Variants in RERE observed in about 807,000 individuals in gnomAD.
RERE encodes the protein arginine-glutamic acid dipeptide repeats protein.
RERE carries 40 observed loss-of-function variants against 146.1 expected under a neutral mutation model. The observed-to-expected ratio is 0.27, with a 90% CI of 0.21 to 0.36. The LOEUF (loss-of-function observed/expected upper bound fraction) is 0.36, where lower values mean the gene tolerates loss of function less well. Among genes scored for constraint, RERE ranks in the 10% least tolerant of loss-of-function variants. The pLI is 1.00. For missense variants in RERE, 1,933 were observed against 2,138.7 expected (o/e 0.90, Z 1.90); for synonymous variants, 1,003 against 866.0 (o/e 1.16, Z -2.78).
At chr1:8,728,600 A>G (rs1640019150) in intron 1 of RERE, among the ~76,000 whole-genome samples, 1 of 152,206 alleles carries the variant, frequency 6.6e-6, no homozygotes, top group Admixed American at 6.5e-5. Flanking sequence ...ATTTCCTCAA[A>G]GGACAGCACC....
intron 1 of RERE, among the ~76,000 whole-genome samples, chr1:8,694,977 G>T (rs537205727): frequency 1.6e-5 from 2 of 127,536 alleles, no homozygotes; most frequent in Non-Finnish European, 3.4e-5. Context: ...ATCCTAAGGG[G>T]GGGGGGGGAA....
chr1:8,525,160 T>TA (rs1316880490), intron 7 of RERE, among the ~76,000 whole-genome samples: 2 of 152,170 alleles, frequency 1.3e-5, no homozygotes, highest in African/African-American at 4.8e-5. Flanking sequence ...CTTTCATTTT[T>TA]AAAAAAATCA....
At chr1:8,608,548 G>A (rs1426680933) in intron 4 of RERE, among the ~76,000 whole-genome samples, 1 of 152,008 alleles carries the variant, frequency 6.6e-6, no homozygotes, top group Non-Finnish European at 1.5e-5. Flanking sequence ...CCCCAAGAAA[G>A]GCAGGGCTGA....
intron 10 of RERE, among the ~76,000 whole-genome samples, chr1:8,479,452 A>G (rs1284902441): frequency 1.3e-5 from 2 of 152,148 alleles, no homozygotes; most frequent in African/African-American, 4.8e-5. Context: ...CTTATTTGGG[A>G]AAAGGGTCTT....
intron 19 of RERE, among the ~76,000 whole-genome samples, chr1:8,359,349 G>A (rs1349207120): frequency 1.3e-5 from 2 of 152,192 alleles, no homozygotes; most frequent in Non-Finnish European, 2.9e-5. Context: ...CCACGAGGGG[G>A]CCACAAAGGC....
At chr1:8,669,022 CTCTGTG>C (rs1638647207) in intron 1 of RERE, among the ~76,000 whole-genome samples, 1 of 22,464 alleles carries the variant, frequency 4.5e-5, no homozygotes, top group African/African-American at 2.1e-4. Context: ...ATGCACTCAA[CTCTGTG>C]TGTGTGTGTG....
intron 12 of RERE, among the ~76,000 whole-genome samples, chr1:8,368,244 C>T (rs1173072754): frequency 1.3e-5 from 2 of 151,814 alleles, no homozygotes; most frequent in Non-Finnish European, 2.9e-5. Flanking sequence ...CTGAGGCAGG[C>T]GGATCACCTG....
chr1:8,489,218 TAGAC>T (rs748093883), intron 10 of RERE, among the ~76,000 whole-genome samples: 5 of 151,566 alleles, frequency 3.3e-5, no homozygotes, highest in Non-Finnish European at 5.9e-5. Context: ...TAAAAAAAAT[TAGAC>T]AGGTGTAGTA....
chr1:8,611,363 G>A (rs1019073774), intron 4 of RERE, among the ~76,000 whole-genome samples: 2 of 151,630 alleles, frequency 1.3e-5, no homozygotes, highest in Non-Finnish European at 2.9e-5. Context: ...AACTAGCCAG[G>A]TGTGGTAGCC....
chr1:8,555,683 T>G (rs768625027), intron 6 of RERE, among the ~76,000 whole-genome samples: 2 of 152,198 alleles, frequency 1.3e-5, no homozygotes, highest in African/African-American at 2.4e-5. Flanking sequence ...TAGTCTTACT[T>G]CCTATACCAC....
At chr1:8,773,643 G>A (rs981280511) in intron 1 of RERE, among the ~76,000 whole-genome samples, 1 of 152,196 alleles carries the variant, frequency 6.6e-6, no homozygotes, top group Non-Finnish European at 1.5e-5. Context: ...GACCAACACG[G>A]TGAAACCCTG....
chr1:8,790,172 C>A (rs1285423538), intron 1 of RERE, among the ~76,000 whole-genome samples: 2 of 152,096 alleles, frequency 1.3e-5, no homozygotes, highest in East Asian at 3.8e-4. Context: ...TTCTCTGGAA[C>A]TGCGGGTTCA....
intron 1 of RERE, among the ~76,000 whole-genome samples, chr1:8,741,318 A>C (rs1382904419): frequency 6.6e-6 from 1 of 152,224 alleles, no homozygotes; most frequent in East Asian, 1.9e-4. Context: ...AAGAGTTAGC[A>C]AGATGTCTAG....
chr1:8,501,817 T>C (rs1340794285), intron 8 of RERE, among the ~76,000 whole-genome samples: 1 of 115,228 alleles, frequency 8.7e-6, no homozygotes, highest in Non-Finnish European at 1.9e-5. Flanking sequence ...GGGGCGCCTC[T>C]GCCCGGCTGC....
At chr1:8,419,858 G>T (rs1252533693) in intron 12 of RERE, among the ~76,000 whole-genome samples, 1 of 152,176 alleles carries the variant, frequency 6.6e-6, no homozygotes, top group Non-Finnish European at 1.5e-5. Context: ...AGCAAGTAAC[G>T]ACGTACAGGC....
intron 11 of RERE, among the ~76,000 whole-genome samples, chr1:8,449,516 C>G (rs555990389): frequency 2.6e-5 from 4 of 152,290 alleles, no homozygotes; most frequent in African/African-American, 7.2e-5. Context: ...CATGAAAAAA[C>G]TTCAAAGAAT....
rs112798481 is a variant in RERE, at chr1:8,546,853, C to CAA, written c.726-5537_726-5536dup. On this transcript the variant is annotated intron_variant, in intron 6 of 22. Coordinates refer to ENST00000400908, the MANE Select transcript of RERE (RefSeq NM_001042681.2). Reference sequence around the variant, plus strand: ...AGCAAGACTTCGTCTCAAAACAAAACAAAAAAAAAAAACAAAAAAAATTAA... The same window carrying CAA: ...AGCAAGACTTCGTCTCAAAACAAAACAAAAAAAAAAAAAACAAAAAAAATTAA... 2.3e-4 allele frequency among the ~76,000 whole-genome samples: 21 copies of CAA among 89,990 alleles called. 1 individual carries two copies. Among genetic ancestry groups the CAA allele is most frequent in the African/African-American group, 7.1e-4 (19 of 26,604 alleles). 59.0% of individuals were successfully genotyped at this position (89,990 alleles called of 152,430 possible). A position where few individuals can be genotyped will look rare whatever the true frequency, so the allele number is the denominator to read the frequency against.
At chr1:8,520,614 G>C (rs948531887) in intron 7 of RERE, among the ~76,000 whole-genome samples, 1 of 151,866 alleles carries the variant, frequency 6.6e-6, no homozygotes, top group Non-Finnish European at 1.5e-5. Context: ...GTAACCTACC[G>C]TGTATCTGGC....
At chr1:8,435,440 T>G (rs1049929243) in intron 11 of RERE, among the ~76,000 whole-genome samples, 1 of 152,240 alleles carries the variant, frequency 6.6e-6, no homozygotes, top group African/African-American at 2.4e-5. Flanking sequence ...TCTCATCACC[T>G]GTTCTCCAGT....
Sources: allele counts gnomAD v4.1 joint callset (sites outside exome capture counted in the v4.1 genomes callset), GRCh38; gene constraint gnomAD v4.1.1; transcripts MANE v1.5; gene names NCBI Gene and HGNC (gene_info 2026-07-23, HGNC 2026-07-21).